Variants in DIP2C observed in about 807,000 individuals in gnomAD.
The protein encoded by DIP2C is disco-interacting protein 2 homolog C.
Under a neutral mutation model 192.4 loss-of-function variants are expected in DIP2C, and 33 were observed. That is an observed-to-expected ratio of 0.17 (90% CI 0.13 to 0.23). DIP2C has a LOEUF of 0.23. Among genes scored for constraint, DIP2C ranks in the 10% least tolerant of loss-of-function variants. The pLI is 1.00. For missense variants in DIP2C, 1,537 were observed against 2,110.1 expected (o/e 0.73, Z 5.32); for synonymous variants, 979 against 864.1 (o/e 1.13, Z -2.33).
chr10:503,169 A>G lies in DIP2C; in HGVS notation c.86-16639T>C, dbSNP rs560886002. 2.1e-4 allele frequency among the ~76,000 whole-genome samples: 32 copies of G among 151,614 alleles called. No homozygotes were observed. The South Asian group carries it at 6.7e-3, about 32-fold the overall frequency. On this transcript the variant is annotated intron_variant, in intron 1 of 36. Transcript: ENST00000280886. ...CCACAATTCCAACATAAATTCCGCCAGGATGCCTACCTGCAGACTTACCAC... is the reference window on the plus strand; with the variant it reads ...CCACAATTCCAACATAAATTCCGCCGGGATGCCTACCTGCAGACTTACCAC...
chr10:581,464 T>C (rs1850658043), intron 1 of DIP2C, among the ~76,000 whole-genome samples: 1 of 152,008 alleles, frequency 6.6e-6, no homozygotes, highest in African/African-American at 2.4e-5. Context: ...TTAGAGGTTT[T>C]TTTTAAAGTT....
intron 1 of DIP2C, among the ~76,000 whole-genome samples, chr10:584,486 A>G (rs1389437025): frequency 7.9e-6 from 1 of 125,962 alleles, no homozygotes; most frequent in African/African-American, 3.1e-5. Flanking sequence ...CCTGGCCCCC[A>G]CTCACGCGCA....
intron 1 of DIP2C, among the ~76,000 whole-genome samples, chr10:564,701 C>T (rs1344059737): frequency 6.6e-6 from 1 of 152,120 alleles, no homozygotes; most frequent in Admixed American, 6.5e-5. Flanking sequence ...AGCCAATATG[C>T]CCGAAGCATT....
intron 32 of DIP2C, among the ~76,000 whole-genome samples, chr10:309,209 C>T (rs1054976037): frequency 3.3e-5 from 5 of 152,064 alleles, no homozygotes; most frequent in South Asian, 2.1e-4. Context: ...TCCTCCTTGG[C>T]GGGCAGAGAT....
intron 1 of DIP2C, among the ~76,000 whole-genome samples, chr10:489,486 G>C (rs1187999748): frequency 6.6e-6 from 1 of 152,258 alleles, no homozygotes; most frequent in African/African-American, 2.4e-5. Context: ...TATCCTCCCT[G>C]AACAGCTTCT....
chr10:304,883 A>G (rs546325510), intron 32 of DIP2C, among the ~76,000 whole-genome samples: 1 of 151,862 alleles, frequency 6.6e-6, no homozygotes, highest in East Asian at 1.9e-4. Context: ...CAACACACAC[A>G]TGCACACTCA....
intron 1 of DIP2C, among the ~76,000 whole-genome samples, chr10:512,171 G>C (rs1271693650): frequency 6.6e-6 from 1 of 152,116 alleles, no homozygotes; most frequent in African/African-American, 2.4e-5. Flanking sequence ...ATACTTCTTT[G>C]TTTCTGTCTT....
chr10:349,974 T>C (rs980856496), intron 24 of DIP2C, among the ~76,000 whole-genome samples: 9 of 152,254 alleles, frequency 5.9e-5, no homozygotes, highest in African/African-American at 2.2e-4. Flanking sequence ...CATTTTCACA[T>C]AGACTTTAAT....
At chr10:622,626 T>C (rs1853942089) in intron 1 of DIP2C, among the ~76,000 whole-genome samples, 1 of 150,850 alleles carries the variant, frequency 6.6e-6, no homozygotes, top group South Asian at 2.1e-4. Context: ...CTTTCGCCGA[T>C]GGGCCAATGC....
At chr10:592,689 T>G (rs986849718) in intron 1 of DIP2C, among the ~76,000 whole-genome samples, 4 of 152,190 alleles carry the variant, frequency 2.6e-5, no homozygotes, top group Non-Finnish European at 5.9e-5. Context: ...CTATTTTTAA[T>G]TCTTTGTAAA....
chr10:680,348 G>A (rs989232003), intron 1 of DIP2C, among the ~76,000 whole-genome samples: 2 of 152,228 alleles, frequency 1.3e-5, no homozygotes, highest in African/African-American at 2.4e-5. Context: ...TGGGCCAAGC[G>A]AGAGATGCAC....
intron 2 of DIP2C, among the ~76,000 whole-genome samples, chr10:480,022 A>T (rs541625040): frequency 3.7e-4 from 54 of 147,024 alleles, no homozygotes; most frequent in African/African-American, 1.3e-3. Context: ...TCACTGGATG[A>T]GGGTTCTCAT....
chr10:527,103 A>G (rs1361438245), intron 1 of DIP2C, among the ~76,000 whole-genome samples: 3 of 152,232 alleles, frequency 2.0e-5, no homozygotes, highest in South Asian at 2.1e-4. Flanking sequence ...GCCTCCACCC[A>G]TCGCATCTGG....
chr10:446,255 C>G (rs1305560482), intron 3 of DIP2C, among the ~76,000 whole-genome samples: 2 of 147,862 alleles, frequency 1.4e-5, no homozygotes, highest in South Asian at 2.2e-4. Context: ...TCTGTATACA[C>G]CTGTCATGAA....
At chr10:335,341 G>A (rs906235141) in intron 29 of DIP2C, among the ~76,000 whole-genome samples, 1 of 152,162 alleles carries the variant, frequency 6.6e-6, no homozygotes, top group African/African-American at 2.4e-5. Flanking sequence ...CTTCAGGGGG[G>A]ATTTCCAACA....
intron 17 of DIP2C, among the ~76,000 whole-genome samples, chr10:378,800 C>T (rs1961997388): frequency 8.7e-6 from 1 of 115,562 alleles, no homozygotes; most frequent in Non-Finnish European, 1.8e-5. Context: ...CATGGACATG[C>T]ATAAAGACAC....
intron 14 of DIP2C, among the ~76,000 whole-genome samples, chr10:386,135 G>C (rs1202524716): frequency 6.6e-6 from 1 of 152,340 alleles, no homozygotes; most frequent in East Asian, 1.9e-4. Flanking sequence ...CCGGAAAGTT[G>C]GGTGTTCTAA....
At chr10:329,923 G>C (rs955993299) in intron 29 of DIP2C, among the ~76,000 whole-genome samples, 1 of 151,822 alleles carries the variant, frequency 6.6e-6, no homozygotes, top group Non-Finnish European at 1.5e-5. Flanking sequence ...TTTCTTAGTA[G>C]AAAACACAGG....
intron 13 of DIP2C, among the ~76,000 whole-genome samples, chr10:389,194 CAG>C (rs982211829): frequency 6.7e-6 from 1 of 150,102 alleles, no homozygotes; most frequent in African/African-American, 2.5e-5. Context: ...CAAGGGATCT[CAG>C]GGGCATGGGG....
Sources: gnomAD v4.1 joint callset for allele counts (sites outside exome capture counted in the v4.1 genomes callset) on GRCh38, gnomAD v4.1.1 for gene constraint, MANE v1.5 for transcripts, NCBI Gene and HGNC (gene_info 2026-07-23, HGNC 2026-07-21) for gene names.